The following ATF6 variants were observed in gnomAD, a reference collection of about 807,000 sequenced individuals.
ATF6 encodes cyclic AMP-dependent transcription factor ATF-6 alpha.
ATF6 carries 53 observed loss-of-function variants against 83.6 expected under a neutral mutation model. The ratio of observed to expected loss-of-function variants is 0.63; its 90% CI spans 0.51 to 0.80. The LOEUF is 0.80. Among genes scored for constraint, ATF6 ranks in the 30% least tolerant of loss-of-function variants. ATF6 has a pLI of 0.00. For missense variants in ATF6, 744 were observed against 797.9 expected (o/e 0.93, Z 0.81); for synonymous variants, 288 against 285.8 (o/e 1.01, Z -0.08).
At chr1:161,776,587 G>A (rs1684519638) in intron 1 of ATF6, among the ~76,000 whole-genome samples, 1 of 148,802 alleles carries the variant, frequency 6.7e-6, no homozygotes, top group South Asian at 2.1e-4. Context: ...GGAGAGTGAG[G>A]AAGAGAAGTA....
intron 9 of ATF6, chr1:161,840,576 A>G (rs150191519): frequency 1.3e-5 from 2 of 152,372 alleles, no homozygotes; most frequent in Admixed American, 6.5e-5. Flanking sequence ...GCTACTTGGT[A>G]TGAAGACTGA....
At chr1:161,812,334 AT>A (rs1685488963) in intron 7 of ATF6, among the ~76,000 whole-genome samples, 4 of 142,728 alleles carry the variant, frequency 2.8e-5, no homozygotes, top group African/African-American at 1.1e-4. Context: ...AAAACTTAAA[AT>A]CTGAAAATGG....
intron 14 of ATF6, among the ~76,000 whole-genome samples, chr1:161,876,048 GCAT>G (rs1351982288): frequency 4.0e-5 from 6 of 151,810 alleles, no homozygotes; most frequent in Non-Finnish European, 8.8e-5. Context: ...CATTGCTTTT[GCAT>G]CATCAGTGTA....
At chr1:161,871,621 C>T (rs1334924237) in intron 14 of ATF6, among the ~76,000 whole-genome samples, 1 of 151,538 alleles carries the variant, frequency 6.6e-6, no homozygotes, top group Non-Finnish European at 1.5e-5. Flanking sequence ...CATTTCTTCA[C>T]ATCATGAATA....
At chr1:161,927,787 A>G (rs1345342385) in intron 15 of ATF6, among the ~76,000 whole-genome samples, 1 of 152,222 alleles carries the variant, frequency 6.6e-6, no homozygotes, top group Non-Finnish European at 1.5e-5. Flanking sequence ...AGAAAGAATT[A>G]TGGGGTAGAT....
intron 9 of ATF6, chr1:161,839,981 A>T (rs1686317443): frequency 6.6e-6 from 1 of 152,250 alleles, no homozygotes; most frequent in Admixed American, 6.5e-5. Flanking sequence ...GGAAGCCATC[A>T]GAAGGTTTTG....
intron 7 of ATF6, among the ~76,000 whole-genome samples, chr1:161,818,794 G>A (rs769377131): frequency 5.9e-5 from 9 of 152,164 alleles, no homozygotes; most frequent in Non-Finnish European, 1.3e-4. Flanking sequence ...GGCCGTGGGA[G>A]GTCACAATAT....
chr1:161,837,149 C>G (rs936759511), intron 9 of ATF6, among the ~76,000 whole-genome samples: 1 of 152,094 alleles, frequency 6.6e-6, no homozygotes, highest in Non-Finnish European at 1.5e-5. Flanking sequence ...AATTTTGTAA[C>G]AAGTGAAGGT....
intron 2 of ATF6, among the ~76,000 whole-genome samples, chr1:161,780,588 T>C (rs1197043628): frequency 1.3e-5 from 2 of 152,106 alleles, no homozygotes; most frequent in African/African-American, 4.8e-5. Context: ...TTAGCCAGGA[T>C]GGTCTCGATC....
Position 161,963,649 on chromosome 1 carries a change from T to C in ATF6, c.*4995T>C, listed in dbSNP as rs1689148792. 1 of 152,220 alleles carries C rather than the reference T, an allele frequency of 6.6e-6. No homozygotes were observed. The allele number at this position is 152,220 out of a possible 1,614,324, so 9.4% of individuals were successfully genotyped here. ...TTCACAGCAATTGTATATTGATCCATTTTAACTCATCCTTGCCATAATTTC... is the reference window on the plus strand; with the variant it reads ...TTCACAGCAATTGTATATTGATCCACTTTAACTCATCCTTGCCATAATTTC... On this transcript the variant is annotated 3_prime_UTR_variant, in exon 16 of 16. Transcript: ENST00000367942.
At chr1:161,904,045 A>G (rs1189218978) in intron 14 of ATF6, among the ~76,000 whole-genome samples, 1 of 152,190 alleles carries the variant, frequency 6.6e-6, no homozygotes, top group Non-Finnish European at 1.5e-5. Context: ...CTTCTGTTTT[A>G]GAAGGACCTA....
At chr1:161,854,910 C>T (rs548904005) in intron 12 of ATF6, among the ~76,000 whole-genome samples, 1 of 151,850 alleles carries the variant, frequency 6.6e-6, no homozygotes, top group East Asian at 1.9e-4. Context: ...GGAGAAAGAG[C>T]TTCCAGACAG....
intron 15 of ATF6, among the ~76,000 whole-genome samples, chr1:161,957,650 C>G (rs1011106460): frequency 5.3e-5 from 8 of 151,954 alleles, no homozygotes; most frequent in Non-Finnish European, 1.2e-4. Context: ...AATGAGTTGC[C>G]CCATATGTAG....
At chr1:161,805,884 G>A (rs531722512) in intron 7 of ATF6, among the ~76,000 whole-genome samples, 2 of 149,566 alleles carry the variant, frequency 1.3e-5, no homozygotes, top group Non-Finnish European at 3.0e-5. Context: ...ACCTTTTTTA[G>A]TTCTTTTGTT....
chr1:161,788,304 G>C (rs1684794708), intron 4 of ATF6, among the ~76,000 whole-genome samples: 1 of 151,912 alleles, frequency 6.6e-6, no homozygotes, highest in South Asian at 2.1e-4. Context: ...GTATTTCTTT[G>C]GTTATTGTTT....
intron 14 of ATF6, among the ~76,000 whole-genome samples, chr1:161,893,203 G>A (rs538261004): frequency 6.6e-6 from 1 of 151,504 alleles, no homozygotes; most frequent in South Asian, 2.1e-4. Context: ...TTTCGCTCTT[G>A]TTGACCAGGC....
intron 1 of ATF6, among the ~76,000 whole-genome samples, chr1:161,776,877 A>G (rs1335657193): frequency 6.6e-6 from 1 of 152,218 alleles, no homozygotes; most frequent in Non-Finnish European, 1.5e-5. Flanking sequence ...TTACCAAGGA[A>G]GTAAGATAGA....
intron 15 of ATF6, among the ~76,000 whole-genome samples, chr1:161,956,696 A>C (rs1172955747): frequency 6.6e-6 from 1 of 152,236 alleles, no homozygotes; most frequent in Non-Finnish European, 1.5e-5. Flanking sequence ...CTATAATGGA[A>C]GAGATTTTCA....
At chr1:161,908,641 C>T (rs1004789294) in intron 14 of ATF6, among the ~76,000 whole-genome samples, 2 of 151,634 alleles carry the variant, frequency 1.3e-5, no homozygotes, top group Admixed American at 6.6e-5. Context: ...GTATCTAAGC[C>T]CTACGGAAAG....
Sources: gnomAD v4.1 joint callset for allele counts (sites outside exome capture counted in the v4.1 genomes callset) on GRCh38, gnomAD v4.1.1 for gene constraint, MANE v1.5 for transcripts, NCBI Gene and HGNC (gene_info 2026-07-23, HGNC 2026-07-21) for gene names.